The following TMEM235 variants were observed in gnomAD, a reference collection of about 807,000 sequenced individuals.
The protein encoded by TMEM235 is claudin-27.
A neutral mutation model predicts 22.9 loss-of-function variants in TMEM235; 23 were observed. That is an observed-to-expected ratio of 1.00 (90% CI 0.72 to 1.42). TMEM235 has a LOEUF of 1.42. Ranked by LOEUF, TMEM235 falls within the 40% of genes most tolerant of loss-of-function variation. The pLI is 0.00. For missense variants in TMEM235, 308 were observed against 299.5 expected, an observed-to-expected ratio of 1.03 and a Z score of -0.21; for synonymous variants, 137 against 140.5, an observed-to-expected ratio of 0.98 and a Z score of 0.17.
chr17:78,238,931 GC>G lies in TMEM235; in HGVS notation c.410-91del. 3 of 1,463,458 alleles carry G rather than the reference GC, an allele frequency of 2.0e-6. No homozygotes were observed. The highest frequency in any genetic ancestry group is 2.7e-6 in the Non-Finnish European group (3 of 1,103,222). 90.7% of individuals were successfully genotyped at this position (1,463,458 alleles called of 1,614,324 possible). ...GCAGCTCTGCCTGAATGCTAGCGGG[GC>G]CGGGGATGCTGAGGCCATGTCTGCA... is the stretch of plus-strand genomic sequence containing the variant. On this transcript the variant is annotated intron_variant, in intron 4 of 5. Transcript: ENST00000421688. The surrounding 1 kb of genome is among the most constrained non-coding windows in gnomAD (Gnocchi z 4.3).
At chr17:78,233,371 G>GTT (rs1312439868) in intron 2 of TMEM235, among the ~76,000 whole-genome samples, 1 of 152,216 alleles carries the variant, frequency 6.6e-6, no homozygotes, top group African/African-American at 2.4e-5. Flanking sequence ...GCGTTTGAAA[G>GTT]TTTAAACATG....
rs1019234694 is a variant in TMEM235, at chr17:78,239,719, C to T, written c.660-61C>T. 25 of 1,498,616 alleles carry T rather than the reference C, an allele frequency of 1.7e-5. No homozygotes were observed. In the African/African-American group the frequency reaches 3.2e-4, roughly 19 times the overall value. 92.8% of individuals were successfully genotyped at this position (1,498,616 alleles called of 1,614,324 possible). ...TGTTAAATGCCGCAGGACTGGGCTC[C>T]ATGCTCCTCTCCAGCCCCGCAATGG... On this transcript the variant is annotated intron_variant, in intron 5 of 5. Coordinates refer to ENST00000421688, the Ensembl canonical transcript of TMEM235.
intron 4 of TMEM235, among the ~76,000 whole-genome samples, chr17:78,236,592 A>G (rs568984076): frequency 2.0e-5 from 3 of 152,238 alleles, no homozygotes; most frequent in African/African-American, 7.2e-5. Context: ...CTCAGTTTCC[A>G]CCGACTGCCC....
intron 2 of TMEM235, among the ~76,000 whole-genome samples, chr17:78,233,436 G>A (rs1020885817): frequency 6.6e-6 from 1 of 152,224 alleles, no homozygotes; most frequent in Non-Finnish European, 1.5e-5. Flanking sequence ...GGCTGGGCCC[G>A]GTGGCCCACG....
exon 3 of TMEM235, chr17:78,233,916 T>A: frequency 6.5e-7 from 1 of 1,535,974 alleles, no homozygotes; most frequent in Non-Finnish European, 8.7e-7. Flanking sequence ...TGCATCCCGC[T>A]GGTCGACCCT....
chr17:78,232,133 C>A lies in TMEM235; in HGVS notation c.110C>A (p.Ala37Glu), dbSNP rs751619247. The A allele has an allele frequency of 7.4e-6, 11 of 1,489,404 alleles. No homozygotes were observed. Among genetic ancestry groups the A allele is most frequent in the South Asian group, 1.3e-5 (1 of 79,846 alleles). 92.3% of individuals were successfully genotyped at this position (1,489,404 alleles called of 1,614,324 possible). ...GACTACTGGTACATCCTGGAGGTGGCGGACGCCGGCAATGGCAGCGCCTGG... is the reference window on the plus strand; with the variant it reads ...GACTACTGGTACATCCTGGAGGTGGAGGACGCCGGCAATGGCAGCGCCTGG... The change falls in exon 2 of 6, where the codon GCG (alanine) becomes GAG (glutamate). Residue 37 changes from alanine to glutamate, a missense_variant. Physicochemically the swap from Ala to Glu is moderately radical, Grantham distance 107. This residue lies in a region of TMEM235 where 285 missense variants were observed against 256.2 expected (regional missense o/e 1.11). Coordinates refer to ENST00000421688, the Ensembl canonical transcript of TMEM235.
chr17:78,235,599 GTTTT>G (rs71160277), intron 4 of TMEM235, among the ~76,000 whole-genome samples: 173 of 118,798 alleles, frequency 1.5e-3, no homozygotes, highest in African/African-American at 5.3e-3. Context: ...GTGCTACATA[GTTTT>G]TTTTTTTTTT....
At chr17:78,239,638 G>A (rs1567876745) in intron 5 of TMEM235, 142 bp from the exon 5 acceptor site, 1 of 1,423,772 alleles carries the variant, frequency 7.0e-7, no homozygotes, top group Non-Finnish European at 9.3e-7. Context: ...TCCCCCAGCA[G>A]GCTAGTGAGT....
chr17:78,232,174 C>A, exon 2 of TMEM235: 1 of 1,492,888 alleles, frequency 6.7e-7, no homozygotes, highest in Non-Finnish European at 8.9e-7. Flanking sequence ...GCGCGCAGAG[C>A]TGCTCTCCTC....
At position 78,231,696 on chromosome 17, in the gene TMEM235, G is replaced by A. The variant is rs1412212097; in HGVS notation, c.-328G>A. On this transcript the variant is annotated 5_prime_UTR_variant, in exon 2 of 6. Coordinates refer to ENST00000421688, the Ensembl canonical transcript of TMEM235. Reference sequence around the variant, plus strand: ...GCTGCTGAGGAGCCGGGGGTTCAGGGAAATTAAGGAACGTGCCCAGGGACC... The same window carrying A: ...GCTGCTGAGGAGCCGGGGGTTCAGGAAAATTAAGGAACGTGCCCAGGGACC... 5 of 1,281,380 alleles carry A rather than the reference G, an allele frequency of 3.9e-6. No homozygotes were observed. The African/African-American group carries it at 4.6e-5, about 12-fold the overall frequency. The allele number at this position is 1,281,380 out of a possible 1,614,324, so 79.4% of individuals were successfully genotyped here.
chr17:78,236,314 T>C (rs78185400), intron 4 of TMEM235, among the ~76,000 whole-genome samples: 2,458 of 152,240 alleles, frequency 0.016, 80 homozygotes, highest in African/African-American at 0.056. Context: ...GTTCCGGGGT[T>C]TGGCACAGAT....
At position 78,238,959 on chromosome 17, in the gene TMEM235, G is replaced by A. The variant is rs1272164060; in HGVS notation, c.410-65G>A. ...GGGGATGCTGAGGCCATGTCTGCAG[G>A]ACCACCTGGGCCTGGGCCCGCTAGA... On this transcript the variant is annotated intron_variant, in intron 4 of 5. Transcript: ENST00000421688. This position sits in a 1 kb window ranked among gnomAD's most constrained non-coding sequence, Gnocchi z 4.3. 16 of 1,491,678 alleles carry A rather than the reference G, an allele frequency of 1.1e-5. No individual in the cohort carries two copies. The highest frequency in any genetic ancestry group is 2.5e-5 in the East Asian group (1 of 40,298). The allele number at this position is 1,491,678 out of a possible 1,614,324, so 92.4% of individuals were successfully genotyped here. A position where few individuals can be genotyped will look rare whatever the true frequency, so the allele number is the denominator to read the frequency against.
Position 78,239,267 on chromosome 17 carries a change from G to A in TMEM235, c.653G>A (p.Gly218Glu), listed in dbSNP as rs982908966. The stretch of plus-strand genomic sequence containing the variant: ...GGTCATCTGAGTCCCCAGCAGGTGG[G>A]AGGGAGGTAAGAGGGGGCTGGGTTT... Residue 218 changes from glycine (G) to glutamate (E), a missense_variant, in exon 5 of 6, where the codon GGA becomes GAA. By Grantham distance (98) the Gly-to-Glu change is moderately conservative. Around this residue, in one of 2 missense-constraint regions of TMEM235, gnomAD observed 285 missense variants for 256.2 expected, o/e 1.11. Coordinates refer to ENST00000421688, the Ensembl canonical transcript of TMEM235. 3.9e-6 allele frequency: 6 copies of A among 1,539,970 alleles called. No homozygotes were observed. In the African/African-American group the frequency reaches 8.2e-5, roughly 21 times the overall value.
chr17:78,234,113 T>A, intron 3 of TMEM235, 138 bp downstream of exon 2: 1 of 800,080 alleles, frequency 1.2e-6, no homozygotes, highest in East Asian at 2.7e-5. Flanking sequence ...CGCAGACCTG[T>A]CCCAGTGCTG....
At chr17:78,234,820 G>A (rs1055555690) in intron 4 of TMEM235, 90 bp downstream of exon 3, 53 of 1,487,648 alleles carry the variant, frequency 3.6e-5, no homozygotes, top group African/African-American at 1.2e-4. Flanking sequence ...TGTTGCCCTC[G>A]TCCCCTGCTC....
In TMEM235 at chr17:78,238,583, TGTGA is replaced by T. The variant is rs1166416140; in HGVS notation, c.410-440_410-437del. Among the ~76,000 whole-genome samples, 2 of 146,448 alleles carry T rather than the reference TGTGA, an allele frequency of 1.4e-5. No individual in the cohort carries two copies. Among genetic ancestry groups the T allele is most frequent in the African/African-American group, 5.1e-5 (2 of 39,074 alleles). On this transcript the variant is annotated intron_variant, in intron 4 of 5. Transcript: ENST00000421688. This position sits in a 1 kb window ranked among gnomAD's most constrained non-coding sequence, Gnocchi z 4.3. ...GTGTGTGTGTGTGTGTGTGTGTGTG[TGTGA>T]ATGTGTGCAAATGTGTTCGTGTAGG... is the stretch of plus-strand genomic sequence containing the variant.
At position 78,233,989 on chromosome 17, in the gene TMEM235, G is replaced by A; in HGVS notation, c.271+14G>A. On this transcript the variant is annotated intron_variant, in intron 3 of 5. Coordinates refer to ENST00000421688, the Ensembl canonical transcript of TMEM235. ...AGCACCTCATCTGTGAGTCCTGGGTGGGGCCACCTCCCCATCCTTTCCAAA... is the reference window on the plus strand; with the variant it reads ...AGCACCTCATCTGTGAGTCCTGGGTAGGGCCACCTCCCCATCCTTTCCAAA... 2 of 1,512,482 alleles carry A rather than the reference G, an allele frequency of 1.3e-6. No individual in the cohort carries two copies. Among genetic ancestry groups the A allele is most frequent in the Non-Finnish European group, 1.8e-6 (2 of 1,133,624 alleles). The allele number at this position is 1,512,482 out of a possible 1,614,324, so 93.7% of individuals were successfully genotyped here.
exon 6 of TMEM235, chr17:78,240,896 A>C (rs563775130): frequency 6.6e-6 from 1 of 152,354 alleles, no homozygotes; most frequent in East Asian, 1.9e-4. Flanking sequence ...TGCTGTGTGC[A>C]GTATAAGCCT....
intron 4 of TMEM235, among the ~76,000 whole-genome samples, chr17:78,236,785 C>T (rs996041864): frequency 1.1e-4 from 16 of 152,190 alleles, no homozygotes; most frequent in Non-Finnish European, 1.9e-4. Context: ...CTCTGGGAGG[C>T]CTCTGTCACT....
Sources: gnomAD v4.1 joint callset for allele counts (sites outside exome capture counted in the v4.1 genomes callset) on GRCh38, gnomAD v4.1.1 for gene constraint, gnomAD v4.1.1 regional missense constraint, Gnocchi (gnomAD v3.1) non-coding constraint, MANE v1.5 for transcripts, NCBI Gene and HGNC (gene_info 2026-07-23, HGNC 2026-07-21) for gene names.